Variants in DENND2A observed in about 807,000 individuals in gnomAD.
The protein encoded by DENND2A is DENN domain-containing protein 2A.
A neutral mutation model predicts 105.3 loss-of-function variants in DENND2A; 53 were observed. The observed-to-expected ratio is 0.50, with a 90% CI of 0.40 to 0.63. DENND2A has a LOEUF of 0.63. Among genes scored for constraint, DENND2A ranks in the 30% least tolerant of loss-of-function variants. DENND2A has a pLI of 0.00. For missense variants in DENND2A, 1,138 were observed against 1,279.6 expected (o/e 0.89, Z 1.69); for synonymous variants, 522 against 508.4 (o/e 1.03, Z -0.36).
At chr7:140,571,144 T>C (rs889491384) in intron 6 of DENND2A, among the ~76,000 whole-genome samples, 2 of 152,198 alleles carry the variant, frequency 1.3e-5, no homozygotes, top group East Asian at 1.9e-4. Context: ...TCAATTTCCA[T>C]GTTCTATAAA....
At chr7:140,545,227 G>A (rs1053785833) in intron 13 of DENND2A, among the ~76,000 whole-genome samples, 1 of 152,158 alleles carries the variant, frequency 6.6e-6, no homozygotes. Flanking sequence ...AGCATGGAAC[G>A]CCCAGCAGGC....
upstream of DENND2A, among the ~76,000 whole-genome samples, chr7:140,640,959 G>C (rs555041072): frequency 2.1e-4 from 31 of 150,610 alleles, 2 homozygotes; most frequent in South Asian, 2.7e-3. The surrounding 1 kb of genome is among the most constrained non-coding windows in gnomAD (Gnocchi z 4.9). Flanking sequence ...CCTTCTGCCG[G>C]ACTCGCCCCC....
Position 140,527,453 on chromosome 7 carries a change from G to T in DENND2A, c.2370C>A (p.Tyr790Ter), listed in dbSNP as rs780694689. The T allele has an allele frequency of 6.2e-7, 1 of 1,606,572 alleles. No individual in the cohort carries two copies. Among genetic ancestry groups the T allele is most frequent in the Non-Finnish European group, 8.5e-7 (1 of 1,177,470 alleles). The change falls in exon 15 of 20, where the codon TAC (tyrosine) becomes TAA (stop). Residue 790 changes from tyrosine to a stop codon, truncating the protein, a stop_gained. Transcript: ENST00000496613. LOFTEE classifies it high-confidence loss of function. This position sits in a 1 kb window ranked among gnomAD's most constrained non-coding sequence, Gnocchi z 4.9. ...TGTAGGTGTGCTGCCAGGCGAAGGG[G>T]TAGATCAGCGCCACCATCGCGTGGC... Reference protein sequence around the residue: ...KCCHAMVALIYPFAWQHTYIP... With the variant: ...KCCHAMVALI
chr7:140,581,420 G>A (rs773534573), intron 5 of DENND2A, among the ~76,000 whole-genome samples: 2 of 152,150 alleles, frequency 1.3e-5, no homozygotes, highest in East Asian at 1.9e-4. Context: ...CTTCCCTCTC[G>A]AATGGAAATT....
chr7:140,519,979 T>G (rs1795794973), intron 18 of DENND2A, among the ~76,000 whole-genome samples: 2 of 152,074 alleles, frequency 1.3e-5, no homozygotes, highest in Admixed American at 1.3e-4. Flanking sequence ...CTTCCGAGCG[T>G]CTACACTGTG....
intron 5 of DENND2A, among the ~76,000 whole-genome samples, chr7:140,577,230 G>C (rs1371648188): frequency 6.6e-6 from 1 of 152,164 alleles, no homozygotes; most frequent in Non-Finnish European, 1.5e-5. Context: ...TACTATCTGA[G>C]AATAGTGGTG....
chr7:140,623,804 A>G (rs1800396733), intron 1 of DENND2A, among the ~76,000 whole-genome samples: 1 of 152,038 alleles, frequency 6.6e-6, no homozygotes, highest in African/African-American at 2.4e-5. Context: ...CCACAGTATC[A>G]AAAGGTGTAT....
intron 1 of DENND2A, among the ~76,000 whole-genome samples, chr7:140,639,743 T>C (rs1801114031): frequency 6.6e-6 from 1 of 152,210 alleles, no homozygotes; most frequent in African/African-American, 2.4e-5. Flanking sequence ...CAGCTGGAAG[T>C]CAGCACCAGC....
At chr7:140,618,243 T>C (rs777965669) in intron 1 of DENND2A, among the ~76,000 whole-genome samples, 16 of 152,224 alleles carry the variant, frequency 1.1e-4, no homozygotes, top group Non-Finnish European at 2.2e-4. Flanking sequence ...TATGGTTTAA[T>C]AGTCTGAATT....
chr7:140,547,085 A>G, intron 12 of DENND2A, 146 bp from the exon 13 acceptor site: 3 of 975,338 alleles, frequency 3.1e-6, no homozygotes, highest in Non-Finnish European at 3.0e-6. Flanking sequence ...AGGCCCTTTG[A>G]CCCTACACAT....
chr7:140,541,253 C>G (rs1449459579), intron 14 of DENND2A, among the ~76,000 whole-genome samples: 1 of 152,086 alleles, frequency 6.6e-6, no homozygotes, highest in African/African-American at 2.4e-5. Flanking sequence ...ATGGATGATA[C>G]TTTGTTTTCT....
chr7:140,552,624 G>A (rs1180850472), intron 12 of DENND2A, among the ~76,000 whole-genome samples: 1 of 151,888 alleles, frequency 6.6e-6, no homozygotes, highest in Non-Finnish European at 1.5e-5. Context: ...TCTTGAACTC[G>A]TGGGCTCAAG....
In DENND2A at chr7:140,640,153, G is replaced by GCA. The variant is rs10547556; in HGVS notation, c.-248+349_-248+350dup. 9.8e-5 allele frequency: 15 copies of GCA among 152,572 alleles called. No homozygotes were observed. Among genetic ancestry groups the GCA allele is most frequent in the East Asian group, 9.6e-4 (5 of 5,184 alleles). The allele number at this position is 152,572 out of a possible 1,614,324, so 9.5% of individuals were successfully genotyped here. On this transcript the variant is annotated intron_variant, in intron 1 of 19. Coordinates refer to ENST00000496613, the MANE Select transcript of DENND2A (RefSeq NM_015689.5). This position sits in a 1 kb window ranked among gnomAD's most constrained non-coding sequence, Gnocchi z 4.9. Reference sequence around the variant, plus strand: ...CACTCACACACAGACACACAAGCGCGCACACACACACACGCGCGCGCGCGG... The same window carrying GCA: ...CACTCACACACAGACACACAAGCGCGCACACACACACACACGCGCGCGCGCGG...
chr7:140,589,479 C>A (rs898298558), intron 3 of DENND2A, among the ~76,000 whole-genome samples: 1 of 152,164 alleles, frequency 6.6e-6, no homozygotes, highest in Non-Finnish European at 1.5e-5. Context: ...GGAAGCCAGG[C>A]AGTTTCTCCC....
At chr7:140,571,374 C>T (rs970109578) in intron 6 of DENND2A, among the ~76,000 whole-genome samples, 2 of 152,116 alleles carry the variant, frequency 1.3e-5, no homozygotes, top group Non-Finnish European at 2.9e-5. Flanking sequence ...GTTGGCCAGG[C>T]TGGTCTCGAA....
chr7:140,551,865 T>A (rs1026223576), intron 12 of DENND2A, among the ~76,000 whole-genome samples: 1 of 152,192 alleles, frequency 6.6e-6, no homozygotes, highest in African/African-American at 2.4e-5. Flanking sequence ...CTGTCCTGAA[T>A]AACTGCTGTG....
At chr7:140,572,487 G>A (rs113906865) in intron 6 of DENND2A, among the ~76,000 whole-genome samples, 4,047 of 151,852 alleles carry the variant, frequency 0.027, 182 homozygotes, top group African/African-American at 0.092. Flanking sequence ...TCCTGGCTGG[G>A]CACGGTGGCT....
At position 140,527,230 on chromosome 7, in the gene DENND2A, G is replaced by T; in HGVS notation, c.2505+88C>A. 1.4e-6 allele frequency: 2 copies of T among 1,390,998 alleles called. No individual in the cohort carries two copies. The highest frequency in any genetic ancestry group is 9.6e-7 in the Non-Finnish European group (1 of 1,046,216). 86.2% of individuals were successfully genotyped at this position (1,390,998 alleles called of 1,614,324 possible). A position where few individuals can be genotyped will look rare whatever the true frequency, so the allele number is the denominator to read the frequency against. On this transcript the variant is annotated intron_variant, in intron 15 of 19. Transcript: ENST00000496613. The surrounding 1 kb of genome is among the most constrained non-coding windows in gnomAD (Gnocchi z 4.9). The stretch of plus-strand genomic sequence containing the variant: ...TGCTCCCCAACACTGCTGGCTCTGA[G>T]AACCGCTCCATGATGCCTGCAGAGC...
chr7:140,627,669 G>A (rs908600090), intron 1 of DENND2A, among the ~76,000 whole-genome samples: 2 of 151,796 alleles, frequency 1.3e-5, no homozygotes, highest in Non-Finnish European at 2.9e-5. Flanking sequence ...CCAAAGGCGT[G>A]CACTGCAACA....
Sources: gnomAD v4.1 joint callset for allele counts (sites outside exome capture counted in the v4.1 genomes callset) on GRCh38, gnomAD v4.1.1 for gene constraint, Gnocchi (gnomAD v3.1) non-coding constraint, MANE v1.5 for transcripts, NCBI Gene and HGNC (gene_info 2026-07-23, HGNC 2026-07-21) for gene names.